The following PARP3 variants were observed in gnomAD, a reference collection of about 807,000 sequenced individuals.
The protein encoded by PARP3 is poly(ADP-ribose) polymerase family member 3.
In PARP3, 46 loss-of-function variants were observed where a neutral mutation model predicts 58.2. That is an observed-to-expected ratio of 0.79 (90% CI 0.62 to 1.01). The LOEUF (loss-of-function observed/expected upper bound fraction) is 1.01. Ranked by LOEUF, PARP3 falls within the 50% of genes least tolerant of loss-of-function variation. PARP3 has a pLI of 0.00. For missense variants in PARP3, 663 were observed against 683.9 expected (o/e 0.97, Z 0.34); for synonymous variants, 252 against 266.4 (o/e 0.95, Z 0.53).
At chr3:51,943,143 G>T (rs373268370) in intron 1 of PARP3, 3 of 950,622 alleles carry the variant, frequency 3.2e-6, no homozygotes, top group Admixed American at 3.0e-5. Flanking sequence ...GGGGAAAGGG[G>T]TGTTTCTGAG....
intron 7 of PARP3, 55 bp from the exon 8 acceptor site, chr3:51,945,798 G>T: frequency 1.3e-6 from 2 of 1,551,796 alleles, no homozygotes; most frequent in Non-Finnish European, 1.8e-6. Context: ...AAGAAAAATG[G>T]GGGATTAGCT....
chr3:51,947,463 A>G (rs1239942210), intron 9 of PARP3, among the ~76,000 whole-genome samples: 1 of 152,206 alleles, frequency 6.6e-6, no homozygotes, highest in Non-Finnish European at 1.5e-5. Flanking sequence ...TCAGCAGAGC[A>G]GGCCAGGGAG....
rs753433682 is a variant in PARP3 at position 51,945,919 on chromosome 3, A to G, written c.1078A>G (p.Lys360Glu). The G allele has an allele frequency of 2.5e-6, 4 of 1,614,096 alleles. No individual in the cohort carries two copies. The Admixed American group carries it at 6.7e-5, about 27-fold the overall frequency. ...HRCPTLQHIWKVNQEGEEDRF... is the reference protein window; with the variant it reads ...HRCPTLQHIWEVNQEGEEDRF... ...GTGCCCTACACTTCAACACATCTGG[A>G]AAGTAAACCAAGAAGGGGAGGTGAG... is the stretch of plus-strand genomic sequence containing the variant. Residue 360 changes from lysine to glutamate, a missense_variant, in exon 8 of 11, where the codon AAA (lysine) becomes GAA (glutamate). Physicochemically the swap from Lys to Glu is moderately conservative, Grantham distance 56 (BLOSUM62 1). Coordinates refer to ENST00000398755, the MANE Select transcript of PARP3 (RefSeq NM_001003931.4).
intron 1 of PARP3, chr3:51,942,939 T>G (rs1358026256): frequency 2.1e-6 from 3 of 1,411,332 alleles, no homozygotes; most frequent in Non-Finnish European, 2.8e-6. Context: ...GCTCGGTGAC[T>G]CGGCCCGGCA....
At position 51,942,582 on chromosome 3, in the gene PARP3, G is replaced by T. The variant is rs184168455; in HGVS notation, c.-129G>T. ...TCATCCCCGGCCTCTGGCGATTGTT[G>T]GGAATTCTCTCCCTAATTCACGCCT... On this transcript the variant is annotated 5_prime_UTR_variant, in exon 1 of 11. Coordinates refer to ENST00000398755, the MANE Select transcript of PARP3 (RefSeq NM_001003931.4). 8.1e-6 allele frequency: 6 copies of T among 742,704 alleles called. No individual in the cohort carries two copies. Among genetic ancestry groups the T allele is most frequent in the Non-Finnish European group, 1.5e-5 (6 of 407,730 alleles). 46.0% of individuals were successfully genotyped at this position (742,704 alleles called of 1,614,324 possible). A position where few individuals can be genotyped will look rare whatever the true frequency, so the allele number is the denominator to read the frequency against.
chr3:51,948,031 C>T lies in PARP3; in HGVS notation c.1432+136C>T, dbSNP rs934831317. 35 of 897,978 alleles carry T rather than the reference C, an allele frequency of 3.9e-5. No homozygotes were observed. The Middle Eastern group carries it at 9.1e-4, about 23-fold the overall frequency. 55.6% of individuals were successfully genotyped at this position (897,978 alleles called of 1,614,324 possible). ...GTCACTCAGTTTGTCATTTGACAAA[C>T]ATCCACTGGTTCAACACATCATTCC... On this transcript the variant is annotated intron_variant, in intron 10 of 10. Transcript: ENST00000398755.
chr3:51,943,654 G>A lies in PARP3; in HGVS notation c.183+116G>A, dbSNP rs144568966. 2.1e-3 allele frequency: 2,022 copies of A among 956,530 alleles called. 25 individuals carry two copies. In the East Asian group the frequency reaches 0.024, roughly 11 times the overall value. The allele number at this position is 956,530 out of a possible 1,614,324, so 59.3% of individuals were successfully genotyped here. A position where few individuals can be genotyped will look rare whatever the true frequency, so the allele number is the denominator to read the frequency against. On this transcript the variant is annotated intron_variant, in intron 2 of 10. Transcript: ENST00000398755. ...TGGAGCCCAAGGCCCCCAGGTAAGC[G>A]CCAGAGCAAGGCCATGTTCTCCTGA...
At chr3:51,942,849 G>A (rs1699577147) in intron 1 of PARP3, 141 bp downstream of exon 1, 1 of 1,451,544 alleles carries the variant, frequency 6.9e-7, no homozygotes, top group African/African-American at 1.4e-5. Context: ...GGCTTCTACA[G>A]CTCTGGGTTC....
rs1699612194 is a variant in PARP3 at position 51,944,130 on chromosome 3, C to T, written c.225C>T (p.Ile75=). 5 of 1,613,984 alleles carry T rather than the reference C, an allele frequency of 3.1e-6. No homozygotes were observed. Among genetic ancestry groups the T allele is most frequent in the South Asian group, 1.1e-5 (1 of 91,072 alleles). ...ACTGCACCCTGAACCAGACCAACAT[C>T]GAGAACAACAACAACAAGTTCTACA... ...DYNCTLNQTN[I]ENNNNKFYII... The change falls in exon 3 of 11, where the codon ATC becomes ATT. Residue 75 remains isoleucine, a synonymous_variant. Coordinates refer to ENST00000398755, the MANE Select transcript of PARP3 (RefSeq NM_001003931.4). The surrounding 1 kb of genome is among the most constrained non-coding windows in gnomAD (Gnocchi z 4.2).
chr3:51,942,799 G>A (rs976610978), intron 1 of PARP3, 91 bp downstream of exon 1: 4 of 1,508,752 alleles, frequency 2.7e-6, no homozygotes, highest in African/African-American at 1.4e-5. Flanking sequence ...CCACTGATCC[G>A]GAGTTCTGGC....
rs764966907 is a variant in PARP3, at chr3:51,944,191, A to G, written c.286A>G (p.Thr96Ala). ...QLLQDSNRFFTCWNRWGRVGE... is the reference protein window; with the variant it reads ...QLLQDSNRFFACWNRWGRVGE... ...GCTCCAAGACAGCAACCGCTTCTTC[A>G]CCTGCTGGAACCGCTGGGGCCGTGT... The change falls in exon 3 of 11, where the codon ACC (threonine) becomes GCC (alanine). Residue 96 changes from threonine to alanine, a missense_variant. This residue lies in a region of PARP3 where 567 missense variants were observed against 553.6 expected (regional missense o/e 1.02). Coordinates refer to ENST00000398755, the MANE Select transcript of PARP3 (RefSeq NM_001003931.4). This position sits in a 1 kb window ranked among gnomAD's most constrained non-coding sequence, Gnocchi z 4.2. 26 of 1,613,630 alleles carry G rather than the reference A, an allele frequency of 1.6e-5. No individual in the cohort carries two copies. The highest frequency in any genetic ancestry group is 2.2e-5 in the Non-Finnish European group (26 of 1,179,950).
chr3:51,943,305 G>T, intron 1 of PARP3, 49 bp from the exon 2 acceptor site: 1 of 1,491,026 alleles, frequency 6.7e-7, no homozygotes, highest in South Asian at 1.3e-5. Context: ...GGGTCGTTGG[G>T]GATGAGGAGA....
chr3:51,945,054 G>T lies in PARP3; in HGVS notation c.691G>T (p.Glu231Ter), dbSNP rs200544465. Residue 231 changes from glutamate to a stop codon, truncating the protein, a stop_gained, in exon 6 of 11, where the codon GAG becomes TAG. Coordinates refer to ENST00000398755, the MANE Select transcript of PARP3 (RefSeq NM_001003931.4). LOFTEE classifies it high-confidence loss of function. ...CAAGCAACAGATTGCACGGGGTTTC[G>T]AGGCCTTGGAGGCGCTGGAGGAGGC... is the stretch of plus-strand genomic sequence containing the variant. ...LSKQQIARGF[E>*]ALEALEEALK... The T allele has an allele frequency of 3.0e-5, 48 of 1,613,042 alleles. No homozygotes were observed. The African/African-American group carries it at 5.9e-4, about 20-fold the overall frequency.
chr3:51,948,278 C>T, intron 10 of PARP3, 33 bp from the exon 11 acceptor site: 1 of 1,596,682 alleles, frequency 6.3e-7, no homozygotes, highest in Non-Finnish European at 8.5e-7. Context: ...CCAGTGACCC[C>T]TGGGCCACCC....
rs1214880631 is a variant in PARP3, at chr3:51,944,350, T to C, written c.313-40T>C. The C allele has an allele frequency of 6.2e-7, 1 of 1,611,598 alleles. No individual in the cohort carries two copies. The highest frequency in any genetic ancestry group is 8.5e-7 in the Non-Finnish European group (1 of 1,178,852). ...CTGGCCCGACACACAGGCCAGCAAA[T>C]GCTGATGGTGGGCATACCCCTGAAG... is the stretch of plus-strand genomic sequence containing the variant. On this transcript the variant is annotated intron_variant, in intron 3 of 10. Coordinates refer to ENST00000398755, the MANE Select transcript of PARP3 (RefSeq NM_001003931.4). The surrounding 1 kb of genome is among the most constrained non-coding windows in gnomAD (Gnocchi z 4.2).
Position 51,946,087 on chromosome 3 carries a change from C to T in PARP3, c.1099-79C>T, listed in dbSNP as rs1699670204. The T allele has an allele frequency of 1.4e-6, 2 of 1,405,536 alleles. No homozygotes were observed. The highest frequency in any genetic ancestry group is 2.0e-6 in the Non-Finnish European group (2 of 1,008,120). 87.1% of individuals were successfully genotyped at this position (1,405,536 alleles called of 1,614,324 possible). Reference sequence around the variant, plus strand: ...CGTGAGTAAGCAGAGGGACACTAGGCCTTGGTCACAAGCAGCAGGGCAAGG... The same window carrying T: ...CGTGAGTAAGCAGAGGGACACTAGGTCTTGGTCACAAGCAGCAGGGCAAGG... On this transcript the variant is annotated intron_variant, in intron 8 of 10. Coordinates refer to ENST00000398755, the MANE Select transcript of PARP3 (RefSeq NM_001003931.4). This position sits in a 1 kb window ranked among gnomAD's most constrained non-coding sequence, Gnocchi z 4.6.
Position 51,944,212 on chromosome 3 carries a change from C to G in PARP3, c.307C>G (p.Arg103Gly), listed in dbSNP as rs372767757. 7 of 1,613,904 alleles carry G rather than the reference C, an allele frequency of 4.3e-6. No individual in the cohort carries two copies. Among genetic ancestry groups the G allele is most frequent in the Non-Finnish European group, 5.9e-6 (7 of 1,179,996 alleles). The change falls in exon 3 of 11, where the codon CGT becomes GGT. Residue 103 changes from arginine (R) to glycine (G), a missense_variant. This residue lies in a region of PARP3 where 567 missense variants were observed against 553.6 expected (regional missense o/e 1.02). Coordinates refer to ENST00000398755, the MANE Select transcript of PARP3 (RefSeq NM_001003931.4). The surrounding 1 kb of genome is among the most constrained non-coding windows in gnomAD (Gnocchi z 4.2). Reference sequence around the variant, plus strand: ...CTTCACCTGCTGGAACCGCTGGGGCCGTGTGGTGAGTGCCCTGCCTGCTCT... The same window carrying G: ...CTTCACCTGCTGGAACCGCTGGGGCGGTGTGGTGAGTGCCCTGCCTGCTCT... ...RFFTCWNRWG[R>G]VGEVGQSKIN...
chr3:51,943,944 C>A, intron 2 of PARP3, 145 bp from the exon 3 acceptor site: 1 of 696,488 alleles, frequency 1.4e-6, no homozygotes, highest in Non-Finnish European at 2.4e-6. Context: ...TAGGGAAGAG[C>A]AGTGACCCCC....
Position 51,948,434 on chromosome 3 carries a change from A to G in PARP3, c.1556A>G (p.Gln519Arg). ...TFSQSEYLIY[Q>R]ESQCRLRYLL... ...TCCCAGAGCGAGTACCTCATCTACC[A>G]GGAGAGCCAGTGTCGCCTGCGCTAC... The change falls in exon 11 of 11, where the codon CAG becomes CGG. Residue 519 changes from glutamine (Q) to arginine (R), a missense_variant. By Grantham distance (43) the Gln-to-Arg change is conservative (BLOSUM62 1). Transcript: ENST00000398755. The G allele has an allele frequency of 6.2e-7, 1 of 1,614,134 alleles. No homozygotes were observed. Among genetic ancestry groups the G allele is most frequent in the Non-Finnish European group, 8.5e-7 (1 of 1,180,008 alleles).
Sources: gnomAD v4.1 joint callset for allele counts (sites outside exome capture counted in the v4.1 genomes callset) on GRCh38, gnomAD v4.1.1 for gene constraint, gnomAD v4.1.1 regional missense constraint, Gnocchi (gnomAD v3.1) non-coding constraint, MANE v1.5 for transcripts, NCBI Gene and HGNC (gene_info 2026-07-23, HGNC 2026-07-21) for gene names.